The following SCLT1 variants were observed in gnomAD, a reference collection of about 807,000 sequenced individuals.
The protein encoded by SCLT1 is sodium channel and clathrin linker 1.
SCLT1 carries 78 observed loss-of-function variants against 112.8 expected under a neutral mutation model. The ratio of observed to expected loss-of-function variants is 0.69; its 90% CI spans 0.58 to 0.83. The LOEUF is 0.83. Among genes scored for constraint, SCLT1 ranks in the 40% least tolerant of loss-of-function variants. SCLT1 has a pLI of 0.00. For missense variants in SCLT1, 747 were observed against 770.4 expected (o/e 0.97, Z 0.36); for synonymous variants, 257 against 254.7 (o/e 1.01, Z -0.09).
chr4:128,878,217 A>G (rs1732565226), intron 3 of SCLT1, among the ~76,000 whole-genome samples: 1 of 152,224 alleles, frequency 6.6e-6, no homozygotes, highest in Non-Finnish European at 1.5e-5. Context: ...TAGCAAAGAT[A>G]AAAATAATGT....
At chr4:129,014,497 C>T (rs1305499142) in intron 5 of SCLT1, among the ~76,000 whole-genome samples, 1 of 152,130 alleles carries the variant, frequency 6.6e-6, no homozygotes, top group Non-Finnish European at 1.5e-5. Context: ...CTCTTTTATC[C>T]TATTTGATGA....
chr4:129,091,953 T>G (rs906841386), intron 1 of SCLT1, among the ~76,000 whole-genome samples: 1 of 152,214 alleles, frequency 6.6e-6, no homozygotes, highest in Admixed American at 6.5e-5. Context: ...ACTTCCCCGT[T>G]GCTCAAGCAA....
intron 5 of SCLT1, among the ~76,000 whole-genome samples, chr4:129,006,537 C>CA (rs57162820): frequency 0.28 from 37,625 of 133,174 alleles, 5,997 homozygotes; most frequent in African/African-American, 0.48. Flanking sequence ...GACTCTGTCT[C>CA]AAAAAAAAAA....
At chr4:129,032,563 T>C (rs1746820636) in intron 5 of SCLT1, among the ~76,000 whole-genome samples, 1 of 151,806 alleles carries the variant, frequency 6.6e-6, no homozygotes, top group Non-Finnish European at 1.5e-5. Flanking sequence ...ACCTACAGAA[T>C]GGGAGAAAAT....
chr4:128,994,994 GT>G (rs1742889602), intron 8 of SCLT1, among the ~76,000 whole-genome samples: 1 of 151,978 alleles, frequency 6.6e-6, no homozygotes, highest in Non-Finnish European at 1.5e-5. Flanking sequence ...CACTCTGCTG[GT>G]TTCGTTTGCT....
chr4:128,990,807 A>G (rs1579617352), intron 9 of SCLT1, among the ~76,000 whole-genome samples: 1 of 151,842 alleles, frequency 6.6e-6, no homozygotes, highest in African/African-American at 2.4e-5. Context: ...TCTGAAAAAA[A>G]AAACAAGAAA....
chr4:128,948,426 T>C (rs566636694), intron 15 of SCLT1, 70 bp downstream of exon 15: 3 of 1,548,546 alleles, frequency 1.9e-6, no homozygotes, highest in Non-Finnish European at 2.6e-6. Context: ...GATGGCATGA[T>C]GGAGGCAGAC....
rs185014103 is a variant in SCLT1, at chr4:128,949,460, T to C, written c.1219-890A>G. Among the ~76,000 whole-genome samples the C allele has an allele frequency of 2.6e-5, 4 of 152,160 alleles. No individual in the cohort carries two copies. In the East Asian group the frequency reaches 7.8e-4, roughly 29 times the overall value. ...TTGTTACATATGTATACGTGTGCCA[T>C]GTTGGTGTGCTGCACCCATTAACTC... On this transcript the variant is annotated intron_variant, in intron 14 of 20. Coordinates refer to ENST00000281142, the MANE Select transcript of SCLT1 (RefSeq NM_144643.4).
rs35927846 is a variant in SCLT1, at chr4:128,930,991, A to G, written c.1829+5664T>C. On this transcript the variant is annotated intron_variant, in intron 18 of 20. Transcript: ENST00000281142. ...ATAGAAAGTAAAAGAAAAATTATTCAAACATCTGGATAAAATAAGCTTGGT... is the reference window on the plus strand; with the variant it reads ...ATAGAAAGTAAAAGAAAAATTATTCGAACATCTGGATAAAATAAGCTTGGT... Among the ~76,000 whole-genome samples, 724 of 152,304 alleles carry G rather than the reference A, an allele frequency of 4.8e-3. 3 individuals are homozygous for G. The highest frequency in any genetic ancestry group is 7.9e-3 in the Non-Finnish European group (534 of 68,022).
chr4:129,054,660 T>C (rs927372898), intron 2 of SCLT1, among the ~76,000 whole-genome samples: 5 of 152,130 alleles, frequency 3.3e-5, no homozygotes, highest in African/African-American at 9.7e-5. Flanking sequence ...GTAACCTTTT[T>C]ATGAAGGTTC....
intron 11 of SCLT1, among the ~76,000 whole-genome samples, chr4:128,960,593 G>A (rs1042049809): frequency 5.3e-5 from 8 of 151,780 alleles, no homozygotes; most frequent in Non-Finnish European, 1.0e-4. Context: ...ATTTTTTTCC[G>A]ATGGGTTGTT....
At chr4:129,061,977 G>T (rs148421166) in intron 2 of SCLT1, among the ~76,000 whole-genome samples, 1 of 152,076 alleles carries the variant, frequency 6.6e-6, no homozygotes, top group African/African-American at 2.4e-5. Flanking sequence ...GAGGATTGCA[G>T]GGGACCCCAG....
intron 4 of SCLT1, chr4:129,039,324 A>G (rs1747467083): frequency 2.5e-6 from 1 of 394,714 alleles, no homozygotes; most frequent in Non-Finnish European, 4.6e-6. Context: ...TATTTTATGT[A>G]ACATGGTGAG....
At chr4:128,913,779 C>T (rs1025577039) in intron 18 of SCLT1, among the ~76,000 whole-genome samples, 2 of 152,176 alleles carry the variant, frequency 1.3e-5, no homozygotes, top group African/African-American at 2.4e-5. Context: ...TTCTCTTTAG[C>T]ACTCACCATC....
chr4:128,918,399 A>T (rs1017022863), intron 18 of SCLT1, among the ~76,000 whole-genome samples: 1 of 152,200 alleles, frequency 6.6e-6, no homozygotes, highest in African/African-American at 2.4e-5. Context: ...AATCAATCAC[A>T]AGTATTAACA....
At chr4:128,996,882 T>C (rs1743057522) in intron 8 of SCLT1, among the ~76,000 whole-genome samples, 1 of 152,040 alleles carries the variant, frequency 6.6e-6, no homozygotes, top group Admixed American at 6.6e-5. Flanking sequence ...GGCTCTGTGA[T>C]ATGATATATC....
At chr4:128,929,416 A>T (rs116666020) in intron 18 of SCLT1, among the ~76,000 whole-genome samples, 1,587 of 152,342 alleles carry the variant, frequency 0.01, 11 homozygotes, top group Non-Finnish European at 0.015. Context: ...AACAGAATTC[A>T]AACTAAAATT....
intron 9 of SCLT1, among the ~76,000 whole-genome samples, chr4:128,981,503 ATTTCTGACAGCCGG>A (rs1264971434): frequency 6.6e-6 from 1 of 152,020 alleles, no homozygotes; most frequent in East Asian, 1.9e-4. Flanking sequence ...AGGTTTTTGC[ATTTCTGACAGCCGG>A]ATGGCCCCAC....
At chr4:128,974,906 T>C (rs1283913262) in intron 9 of SCLT1, among the ~76,000 whole-genome samples, 20 of 152,098 alleles carry the variant, frequency 1.3e-4, no homozygotes, top group Admixed American at 1.3e-3. Context: ...GATTTTATTT[T>C]TGCTTCAAAT....
Sources: allele counts gnomAD v4.1 joint callset (sites outside exome capture counted in the v4.1 genomes callset), GRCh38; gene constraint gnomAD v4.1.1; transcripts MANE v1.5; gene names NCBI Gene and HGNC (gene_info 2026-07-23, HGNC 2026-07-21).